CSMD1: variants seen among roughly 807,000 people sequenced by gnomAD.
CSMD1 encodes CUB and Sushi multiple domains 1.
Under a neutral mutation model 417.5 loss-of-function variants are expected in CSMD1, and 213 were observed. The ratio of observed to expected loss-of-function variants is 0.51; its 90% confidence interval spans 0.46 to 0.57. The LOEUF is 0.57. Ranked by LOEUF, CSMD1 falls within the 20% of genes least tolerant of loss-of-function variation. CSMD1 has a pLI of 0.00. For synonymous variants in CSMD1, 2,862 were observed against 1,736.8 expected (o/e 1.65, Z -16.11); for missense variants, 6,923 against 4,529.7 (o/e 1.53, Z -15.17).
chr8:4,801,460 G>A (rs897053668), intron 1 of CSMD1, among the ~76,000 whole-genome samples: 2 of 123,822 alleles, frequency 1.6e-5, no homozygotes, highest in East Asian at 3.6e-4. Context: ...GCCTCAGATG[G>A]CTTTTTTTTT....
intron 7 of CSMD1, among the ~76,000 whole-genome samples, chr8:3,626,987 C>T (rs951811015): frequency 2.0e-5 from 3 of 151,476 alleles, no homozygotes; most frequent in Non-Finnish European, 4.4e-5. Flanking sequence ...TACCATAGTA[C>T]GATATATAAA....
At chr8:3,670,702 G>A (rs1224329005) in intron 7 of CSMD1, among the ~76,000 whole-genome samples, 1 of 147,558 alleles carries the variant, frequency 6.8e-6, no homozygotes, top group East Asian at 2.0e-4. Context: ...ATATGTATAT[G>A]GGATATATAT....
At chr8:4,365,526 C>G (rs994885918) in intron 3 of CSMD1, among the ~76,000 whole-genome samples, 2 of 152,156 alleles carry the variant, frequency 1.3e-5, no homozygotes, top group Non-Finnish European at 2.9e-5. Flanking sequence ...TGATTAAATT[C>G]CCTGTGATAT....
intron 7 of CSMD1, among the ~76,000 whole-genome samples, chr8:3,660,916 A>T (rs1798383881): frequency 6.6e-6 from 1 of 152,190 alleles, no homozygotes; most frequent in South Asian, 2.1e-4. Flanking sequence ...CTCCCAATTC[A>T]TAGAAGTTTC....
chr8:3,867,255 A>C (rs1377032190), intron 5 of CSMD1, among the ~76,000 whole-genome samples: 2 of 152,198 alleles, frequency 1.3e-5, no homozygotes, highest in Non-Finnish European at 2.9e-5. Context: ...TAGTGTAAGA[A>C]GCAAGACCAT....
chr8:4,168,200 T>C lies in CSMD1; in HGVS notation c.416-136101A>G, dbSNP rs954871233. ...ACATACACACACACGTATGTATGTA[T>C]ATATACATATACACACACATATATA... On this transcript the variant is annotated intron_variant, in intron 3 of 69. Transcript: ENST00000635120. 1.7e-4 allele frequency among the ~76,000 whole-genome samples: 26 copies of C among 151,706 alleles called. No individual in the cohort carries two copies. In the East Asian group the frequency reaches 4.8e-3, roughly 28 times the overall value.
At chr8:3,663,484 A>G (rs1798524445) in intron 7 of CSMD1, among the ~76,000 whole-genome samples, 1 of 152,124 alleles carries the variant, frequency 6.6e-6, no homozygotes, top group African/African-American at 2.4e-5. Context: ...TGAAAGGAAA[A>G]TGAACCTCAG....
At chr8:3,070,542 G>T (rs186444946) in intron 49 of CSMD1, among the ~76,000 whole-genome samples, 49 of 152,244 alleles carry the variant, frequency 3.2e-4, no homozygotes, top group Non-Finnish European at 2.4e-4. Flanking sequence ...CCTAGGGAAG[G>T]GGAAAGATGC....
chr8:3,000,988 C>CT lies in CSMD1; in HGVS notation c.8030-858dup, dbSNP rs111647151. Among the ~76,000 whole-genome samples the CT allele has an allele frequency of 1.7e-3, 247 of 145,726 alleles. 1 individual carries two copies. Among genetic ancestry groups the CT allele is most frequent in the Non-Finnish European group, 2.5e-3 (163 of 65,978 alleles). Reference sequence around the variant, plus strand: ...TCCACTCACTCCCACCATTTTTTTTCTTTTTTTTTTTGGCAGGGTCTTGCT... The same window carrying CT: ...TCCACTCACTCCCACCATTTTTTTTCTTTTTTTTTTTTGGCAGGGTCTTGCT... On this transcript the variant is annotated intron_variant, in intron 52 of 69. Coordinates refer to ENST00000635120, the MANE Select transcript of CSMD1 (RefSeq NM_033225.6).
At chr8:3,645,620 G>A (rs911275073) in intron 7 of CSMD1, among the ~76,000 whole-genome samples, 1 of 152,208 alleles carries the variant, frequency 6.6e-6, no homozygotes, top group South Asian at 2.1e-4. Flanking sequence ...ATCATGGGAA[G>A]AGTCGGCCTT....
intron 2 of CSMD1, among the ~76,000 whole-genome samples, chr8:4,430,148 C>G (rs936932875): frequency 3.3e-5 from 5 of 152,172 alleles, no homozygotes; most frequent in East Asian, 3.9e-4. Flanking sequence ...CAAAGCAAAT[C>G]TATGTCAGAA....
In CSMD1 at chr8:3,835,663, T is replaced by G. The variant is rs1277322953; in HGVS notation, c.819-81621A>C. Among the ~76,000 whole-genome samples, 6 of 149,642 alleles carry G rather than the reference T, an allele frequency of 4.0e-5. No individual in the cohort carries two copies. The East Asian group carries it at 1.2e-3, about 30-fold the overall frequency. ...CCAACATGGCACATGTATACATATG[T>G]AACAAACCTGCACATTGTGCACATG... On this transcript the variant is annotated intron_variant, in intron 5 of 69. Coordinates refer to ENST00000635120, the MANE Select transcript of CSMD1 (RefSeq NM_033225.6).
At chr8:3,975,627 T>A (rs1221432323) in intron 5 of CSMD1, among the ~76,000 whole-genome samples, 1 of 152,126 alleles carries the variant, frequency 6.6e-6, no homozygotes, top group Non-Finnish European at 1.5e-5. Context: ...ATGACTAAAG[T>A]GCCTGTAGGT....
At chr8:2,971,561 C>T (rs1262690841) in intron 57 of CSMD1, among the ~76,000 whole-genome samples, 2 of 152,112 alleles carry the variant, frequency 1.3e-5, no homozygotes, top group Non-Finnish European at 2.9e-5. Context: ...GAAGATAGAA[C>T]ATCACCTTGT....
At chr8:4,434,025 T>A (rs976959187) in intron 2 of CSMD1, among the ~76,000 whole-genome samples, 3 of 152,110 alleles carry the variant, frequency 2.0e-5, no homozygotes, top group East Asian at 1.9e-4. Context: ...TTCAAAGATA[T>A]GACAAGGAAT....
chr8:4,084,063 C>G (rs2911717), intron 3 of CSMD1, among the ~76,000 whole-genome samples: 148,296 of 152,340 alleles, frequency 0.97, 72,205 homozygotes, highest in East Asian at 1. Context: ...AGATCAAATG[C>G]ATCAATACAT....
At position 4,013,296 on chromosome 8, in the gene CSMD1, G is replaced by A. The variant is rs138118639; in HGVS notation, c.611-15186C>T. On this transcript the variant is annotated intron_variant, in intron 4 of 69. Transcript: ENST00000635120. ...TCCCATCTGCTCAGGCCACACTGCC[G>A]TTGCTCTATTCTTCGTTCACTCACC... is the stretch of plus-strand genomic sequence containing the variant. 1.4e-3 allele frequency among the ~76,000 whole-genome samples: 216 copies of A among 152,180 alleles called. 2 individuals are homozygous for A. The highest frequency in any genetic ancestry group is 0.01 in the Middle Eastern group (3 of 294).
At chr8:4,044,871 A>C (rs1798070496) in intron 3 of CSMD1, among the ~76,000 whole-genome samples, 1 of 151,234 alleles carries the variant, frequency 6.6e-6, no homozygotes, top group Admixed American at 6.6e-5. Flanking sequence ...ACCATCCTGA[A>C]CTTTGCAGCC....
rs761037658 is a variant in CSMD1, at chr8:3,574,963, G to A, written c.1326C>T (p.Thr442=). The A allele has an allele frequency of 1.6e-5, 25 of 1,612,444 alleles. No individual in the cohort carries two copies. The highest frequency in any genetic ancestry group is 1.7e-5 in the Non-Finnish European group (20 of 1,179,692). ...EDNAHCVWVI[T]TTDPDKVIKL... ...GCCTTACCTTGTCCGGGTCGGTGGT[G>A]GTGATGACCCACACACAGTGTGCAT... The change falls in exon 10 of 70, where the codon ACC becomes ACT. Residue 442 remains threonine (T), a synonymous_variant. Coordinates refer to ENST00000635120, the MANE Select transcript of CSMD1 (RefSeq NM_033225.6).
Sources: gnomAD v4.1 joint callset for allele counts (sites outside exome capture counted in the v4.1 genomes callset) on GRCh38, gnomAD v4.1.1 for gene constraint, MANE v1.5 for transcripts, NCBI Gene and HGNC (gene_info 2026-07-23, HGNC 2026-07-21) for gene names.